TNIK: variants seen among roughly 807,000 people sequenced by gnomAD.
The protein encoded by TNIK is TRAF2 and NCK interacting kinase.
In TNIK, 49 loss-of-function variants were observed where a neutral mutation model predicts 191.3. That is an observed-to-expected ratio of 0.26 (90% CI 0.20 to 0.32). TNIK has a LOEUF of 0.32. Among genes scored for constraint, TNIK ranks in the 10% least tolerant of loss-of-function variants. TNIK has a pLI of 1.00. For missense variants in TNIK, 1,155 were observed against 1,702.3 expected (o/e 0.68, Z 5.66); for synonymous variants, 594 against 600.9 (o/e 0.99, Z 0.17).
chr3:171,119,238 A>G (rs1460705994), intron 18 of TNIK, among the ~76,000 whole-genome samples: 2 of 152,214 alleles, frequency 1.3e-5, no homozygotes, highest in East Asian at 3.8e-4. Flanking sequence ...CAAAACCACA[A>G]TGAGATACCA....
chr3:171,153,311 C>T (rs559408923), intron 12 of TNIK, among the ~76,000 whole-genome samples: 1 of 152,112 alleles, frequency 6.6e-6, no homozygotes, highest in Admixed American at 6.5e-5. Flanking sequence ...CCTACACTCT[C>T]TTCTCATGTG....
chr3:171,137,684 A>C (rs1730220694), intron 15 of TNIK, among the ~76,000 whole-genome samples: 1 of 152,218 alleles, frequency 6.6e-6, no homozygotes, highest in South Asian at 2.1e-4. Context: ...CTGATCTTAA[A>C]AGTGAATACC....
At chr3:171,238,802 T>C (rs1286495186) in intron 2 of TNIK, among the ~76,000 whole-genome samples, 2 of 152,190 alleles carry the variant, frequency 1.3e-5, no homozygotes, top group East Asian at 3.8e-4. Flanking sequence ...TCCCATGGCT[T>C]AAGGGAGGCA....
intron 2 of TNIK, among the ~76,000 whole-genome samples, chr3:171,358,631 G>T (rs1240832366): frequency 1.3e-5 from 2 of 152,134 alleles, no homozygotes; most frequent in African/African-American, 4.8e-5. Flanking sequence ...ATTTTTTGTG[G>T]ACTTCTACCT....
At chr3:171,455,807 T>C (rs935387966) in intron 1 of TNIK, among the ~76,000 whole-genome samples, 1 of 152,206 alleles carries the variant, frequency 6.6e-6, no homozygotes, top group African/African-American at 2.4e-5. Context: ...ACAGGGTTCA[T>C]TCCACTCCAT....
chr3:171,169,255 G>A (rs902652699), intron 9 of TNIK, among the ~76,000 whole-genome samples: 2 of 151,792 alleles, frequency 1.3e-5, no homozygotes, highest in African/African-American at 4.8e-5. Context: ...AGAAGGAAGT[G>A]CTTATTTTAT....
chr3:171,292,809 A>T (rs996323578), intron 2 of TNIK, among the ~76,000 whole-genome samples: 1 of 148,194 alleles, frequency 6.7e-6, no homozygotes, highest in African/African-American at 2.5e-5. Context: ...TCAGCCAGAG[A>T]CTTGGGCAGA....
chr3:171,372,403 C>T (rs1716627641), intron 1 of TNIK, among the ~76,000 whole-genome samples: 2 of 152,164 alleles, frequency 1.3e-5, no homozygotes, highest in South Asian at 4.1e-4. Flanking sequence ...CCTGAGACTC[C>T]CTGAGATTTA....
At position 171,198,232 on chromosome 3, in the gene TNIK, C is replaced by T. The variant is rs922867005; in HGVS notation, c.307-3597G>A. 3.4e-5 allele frequency among the ~76,000 whole-genome samples: 5 copies of T among 149,210 alleles called. No individual in the cohort carries two copies. In the South Asian group the frequency reaches 1.1e-3, roughly 32 times the overall value. On this transcript the variant is annotated intron_variant, in intron 4 of 32. Coordinates refer to ENST00000436636, the MANE Select transcript of TNIK (RefSeq NM_015028.4). Reference sequence around the variant, plus strand: ...GAGCCGAGATTGCACCACTGTGCTCCAGCCTGGGTGACAGAGCCAGACTCC... The same window carrying T: ...GAGCCGAGATTGCACCACTGTGCTCTAGCCTGGGTGACAGAGCCAGACTCC...
chr3:171,272,060 T>C (rs550928351), intron 2 of TNIK, among the ~76,000 whole-genome samples: 5 of 152,338 alleles, frequency 3.3e-5, no homozygotes, highest in African/African-American at 9.6e-5. Flanking sequence ...CATATGATTA[T>C]AGCCACCACC....
At chr3:171,264,099 CACACACACACACATATATATAT>C (rs1362219330) in intron 2 of TNIK, among the ~76,000 whole-genome samples, 1 of 84,264 alleles carries the variant, frequency 1.2e-5, no homozygotes, top group East Asian at 2.1e-4. Context: ...CACACACACA[CACACACACACACATATATATAT>C]ATATATATAT....
intron 1 of TNIK, among the ~76,000 whole-genome samples, chr3:171,428,286 T>G (rs528638961): frequency 6.6e-6 from 1 of 152,182 alleles, no homozygotes; most frequent in Non-Finnish European, 1.5e-5. Context: ...TTCAAGAAGA[T>G]AAAATACCAA....
chr3:171,103,603 A>G (rs1024713709), intron 21 of TNIK, among the ~76,000 whole-genome samples: 2 of 152,176 alleles, frequency 1.3e-5, no homozygotes, highest in African/African-American at 4.8e-5. Flanking sequence ...TTTATTTTGT[A>G]TTCTGACATC....
In TNIK at chr3:171,308,764, G is replaced by A. The variant is rs538367622; in HGVS notation, c.123+60856C>T. 6.4e-3 allele frequency among the ~76,000 whole-genome samples: 976 copies of A among 152,190 alleles called. 8 individuals carry two copies. Among genetic ancestry groups the A allele is most frequent in the Non-Finnish European group, 0.01 (708 of 68,000 alleles). On this transcript the variant is annotated intron_variant, in intron 2 of 32. Transcript: ENST00000436636. Reference sequence around the variant, plus strand: ...CAAAGGACATGAACACTTTTCAAAAGAAGACATACATGCATCCAACAAGCA... The same window carrying A: ...CAAAGGACATGAACACTTTTCAAAAAAAGACATACATGCATCCAACAAGCA...
chr3:171,139,960 T>C (rs1730584586), intron 13 of TNIK, among the ~76,000 whole-genome samples: 1 of 152,222 alleles, frequency 6.6e-6, no homozygotes, highest in Non-Finnish European at 1.5e-5. Context: ...ACTGTCTTTG[T>C]AATGGAACCA....
chr3:171,077,892 C>T (rs1428510138), intron 28 of TNIK, among the ~76,000 whole-genome samples: 5 of 148,848 alleles, frequency 3.4e-5, no homozygotes, highest in African/African-American at 1.0e-4. Flanking sequence ...CACACTCACA[C>T]ATATATATAT....
intron 32 of TNIK, among the ~76,000 whole-genome samples, chr3:171,065,831 A>G (rs1430386714): frequency 2.0e-5 from 3 of 152,234 alleles, no homozygotes; most frequent in Non-Finnish European, 4.4e-5. Flanking sequence ...TGACTTTGTG[A>G]AAAGTCTAAA....
chr3:171,454,990 A>G (rs1728627430), intron 1 of TNIK, among the ~76,000 whole-genome samples: 1 of 152,210 alleles, frequency 6.6e-6, no homozygotes, highest in Non-Finnish European at 1.5e-5. Flanking sequence ...TTTTTAAAAA[A>G]GAAGGTTTTA....
chr3:171,415,990 A>AG, intron 1 of TNIK, among the ~76,000 whole-genome samples: 1 of 147,232 alleles, frequency 6.8e-6, no homozygotes. Flanking sequence ...AAAAAAAAAA[A>AG]AAAAAAAGAA....
Sources: gnomAD v4.1 joint callset for allele counts (sites outside exome capture counted in the v4.1 genomes callset) on GRCh38, gnomAD v4.1.1 for gene constraint, MANE v1.5 for transcripts, NCBI Gene and HGNC (gene_info 2026-07-23, HGNC 2026-07-21) for gene names.